The following INTS8 variants were observed in gnomAD, a reference collection of about 807,000 sequenced individuals.
The protein encoded by INTS8 is protein kaonashi-1.
A neutral mutation model predicts 138.9 loss-of-function variants in INTS8; 47 were observed. The observed-to-expected ratio is 0.34, with a 90% CI of 0.27 to 0.43. The LOEUF (loss-of-function observed/expected upper bound fraction) is 0.43, where lower values mean the gene tolerates loss of function less well. Ranked by LOEUF, INTS8 falls within the 20% of genes least tolerant of loss-of-function variation. INTS8 has a pLI of 1.00. For synonymous variants in INTS8, 392 were observed against 400.9 expected, an observed-to-expected ratio of 0.98 and a Z score of 0.27; for missense variants, 996 against 1,173.0, an observed-to-expected ratio of 0.85 and a Z score of 2.20.
chr8:94,849,985 A>T lies in INTS8; in HGVS notation c.1401A>T (p.Thr467=). Reference sequence around the variant, plus strand: ...TTTCTTCACATGAGCTTTTCATTACATTGTTGAAAGATGAAGAACGAAAGC... The same window carrying T: ...TTTCTTCACATGAGCTTTTCATTACTTTGTTGAAAGATGAAGAACGAAAGC... The part of the protein sequence containing the change: ...FMISSHELFI[T]LLKDEERKLL... The change falls in exon 12 of 27, where the codon ACA becomes ACT. Residue 467 remains threonine (T), a synonymous_variant. Coordinates refer to ENST00000523731, the MANE Select transcript of INTS8 (RefSeq NM_017864.4). 1 of 1,612,956 alleles carries T rather than the reference A, an allele frequency of 6.2e-7. No homozygotes were observed. Among genetic ancestry groups the T allele is most frequent in the Admixed American group, 1.7e-5 (1 of 59,966 alleles).
At chr8:94,827,693 A>G in intron 3 of INTS8, 29 bp from the exon 4 acceptor site, 1 of 1,569,892 alleles carries the variant, frequency 6.4e-7, no homozygotes, top group South Asian at 1.1e-5. Flanking sequence ...ATAATGTATG[A>G]AATTTTCTTT....
chr8:94,879,545 A>C (rs1816708890), intron 26 of INTS8, among the ~76,000 whole-genome samples: 1 of 151,808 alleles, frequency 6.6e-6, no homozygotes, highest in African/African-American at 2.4e-5. Context: ...TAGTGAGCTG[A>C]GATCACGCCA....
chr8:94,838,929 T>C lies in INTS8; in HGVS notation c.1017+311T>C, dbSNP rs1404706853. ...TAAGAAATGCTTGTAAGCAGAACTT[T>C]TAACATTTAAAAATTGCAGGTAGAC... On this transcript the variant is annotated intron_variant, in intron 8 of 26. Coordinates refer to ENST00000523731, the MANE Select transcript of INTS8 (RefSeq NM_017864.4). 4.6e-5 allele frequency among the ~76,000 whole-genome samples: 7 copies of C among 152,252 alleles called. No individual in the cohort carries two copies. The East Asian group carries it at 1.2e-3, about 25-fold the overall frequency.
At chr8:94,878,486 C>T (rs1447490014) in intron 26 of INTS8, among the ~76,000 whole-genome samples, 1 of 152,148 alleles carries the variant, frequency 6.6e-6, no homozygotes, top group Non-Finnish European at 1.5e-5. Context: ...TAATCTACAG[C>T]TGTACTCATT....
chr8:94,832,055 C>A lies in INTS8; in HGVS notation c.634C>A (p.Leu212Ile). 1 of 1,613,448 alleles carries A rather than the reference C, an allele frequency of 6.2e-7. No homozygotes were observed. Among genetic ancestry groups the A allele is most frequent in the South Asian group, 1.1e-5 (1 of 90,950 alleles). Reference protein sequence around the residue: ...LEAALKLNKDLYVHTMRTLDL... With the variant: ...LEAALKLNKDIYVHTMRTLDL... ...AGCAGCCCTAAAATTAAACAAGGATCTTTATGTCCATACGATGAGAACTCT... is the reference window on the plus strand; with the variant it reads ...AGCAGCCCTAAAATTAAACAAGGATATTTATGTCCATACGATGAGAACTCT... Residue 212 changes from leucine to isoleucine, a missense_variant, in exon 6 of 27, where the codon CTT becomes ATT. Leu to Ile is a conservative substitution (Grantham distance 5). Coordinates refer to ENST00000523731, the MANE Select transcript of INTS8 (RefSeq NM_017864.4).
At chr8:94,830,970 G>A (rs1276633735) in intron 5 of INTS8, among the ~76,000 whole-genome samples, 1 of 151,948 alleles carries the variant, frequency 6.6e-6, no homozygotes, top group Non-Finnish European at 1.5e-5. Flanking sequence ...GCTAATTTTT[G>A]TATTTTTAGT....
chr8:94,832,214 G>A, intron 6 of INTS8, 40 bp downstream of exon 6: 1 of 1,511,406 alleles, frequency 6.6e-7, no homozygotes, highest in South Asian at 1.2e-5. Flanking sequence ...GCAATTTTTT[G>A]GAAAATCTTA....
chr8:94,842,378 G>T lies in INTS8; in HGVS notation c.1150G>T (p.Val384Phe). 6.3e-7 allele frequency: 1 copy of T among 1,595,952 alleles called. No homozygotes were observed. The highest frequency in any genetic ancestry group is 8.6e-7 in the Non-Finnish European group (1 of 1,168,630). The stretch of plus-strand genomic sequence containing the variant: ...AGCTCTAGATGAAATCTGTTTTAAA[G>T]TTTGTGCCTGTAATACAGTCCGTGA... Reference protein sequence around the residue: ...NEALDEICFKVCACNTVRDIL... With the variant: ...NEALDEICFKFCACNTVRDIL... Residue 384 changes from valine (V) to phenylalanine (F), a missense_variant, in exon 10 of 27, where the codon GTT (valine) becomes TTT (phenylalanine). Transcript: ENST00000523731.
At chr8:94,855,248 A>G (rs1815702336) in intron 14 of INTS8, among the ~76,000 whole-genome samples, 1 of 152,232 alleles carries the variant, frequency 6.6e-6, no homozygotes, top group African/African-American at 2.4e-5. Flanking sequence ...TTTCATAAAA[A>G]AGTTTAGTTG....
rs116676161 is a variant in INTS8, at chr8:94,824,673, C to G, written c.131-220C>G. Among the ~76,000 whole-genome samples the G allele has an allele frequency of 5.8e-3, 881 of 151,352 alleles. 9 individuals are homozygous for G. Among genetic ancestry groups the G allele is most frequent in the African/African-American group, 0.019 (789 of 41,194 alleles). On this transcript the variant is annotated intron_variant, in intron 1 of 26. Coordinates refer to ENST00000523731, the MANE Select transcript of INTS8 (RefSeq NM_017864.4). ...AATCTGTTACCCTTCCTCCTTACCA[C>G]TCTTCCGCATCTCCTTTAACCCCCA... is the stretch of plus-strand genomic sequence containing the variant.
chr8:94,876,414 A>C, intron 25 of INTS8, 32 bp from the exon 26 acceptor site: 1 of 1,437,110 alleles, frequency 7.0e-7, no homozygotes, highest in Non-Finnish European at 9.7e-7. Context: ...ATTTAATACT[A>C]TCAGATTTAT....
intron 16 of INTS8, among the ~76,000 whole-genome samples, chr8:94,861,491 G>GA (rs1159777728): frequency 6.6e-6 from 1 of 151,886 alleles, no homozygotes; most frequent in Non-Finnish European, 1.5e-5. Context: ...TCAATCTCCT[G>GA]ACCTCGTGAT....
intron 15 of INTS8, among the ~76,000 whole-genome samples, chr8:94,857,664 G>T (rs1815802063): frequency 6.6e-6 from 1 of 152,062 alleles, no homozygotes; most frequent in African/African-American, 2.4e-5. Context: ...CTTTGGCTTG[G>T]GCTGCATTGC....
At chr8:94,845,922 A>G (rs906444561) in intron 10 of INTS8, among the ~76,000 whole-genome samples, 1 of 152,228 alleles carries the variant, frequency 6.6e-6, no homozygotes, top group African/African-American at 2.4e-5. Context: ...CTCCTAAGCC[A>G]AAGTATGCTT....
chr8:94,849,784 A>G (rs1360311223), intron 11 of INTS8, 132 bp from the exon 12 acceptor site: 6 of 650,444 alleles, frequency 9.2e-6, no homozygotes, highest in South Asian at 2.7e-5. Context: ...TTTAAAATCT[A>G]TTTTAAAATA....
chr8:94,839,740 T>G (rs937149563), intron 8 of INTS8, among the ~76,000 whole-genome samples: 1 of 152,172 alleles, frequency 6.6e-6, no homozygotes, highest in Non-Finnish European at 1.5e-5. Flanking sequence ...TACAGATTCT[T>G]TAACAAGTTG....
intron 23 of INTS8, 89 bp from the exon 24 acceptor site, chr8:94,875,985 A>C: frequency 1.1e-6 from 1 of 872,766 alleles, no homozygotes; most frequent in Non-Finnish European, 1.9e-6. Flanking sequence ...AATGTGATCT[A>C]TAAGGCTTAA....
At chr8:94,837,075 C>T (rs1199936388) in intron 7 of INTS8, among the ~76,000 whole-genome samples, 1 of 152,174 alleles carries the variant, frequency 6.6e-6, no homozygotes, top group Non-Finnish European at 1.5e-5. Flanking sequence ...ATTGCCATGT[C>T]AATGGTTATG....
At chr8:94,876,403 T>C (rs759984470) in intron 25 of INTS8, 43 bp from the exon 26 acceptor site, 2 of 1,397,254 alleles carry the variant, frequency 1.4e-6, no homozygotes, top group South Asian at 2.5e-5. Flanking sequence ...TCTCTCATTA[T>C]ATTTAATACT....
Sources: gnomAD v4.1 joint callset for allele counts (sites outside exome capture counted in the v4.1 genomes callset) on GRCh38, gnomAD v4.1.1 for gene constraint, MANE v1.5 for transcripts, NCBI Gene and HGNC (gene_info 2026-07-23, HGNC 2026-07-21) for gene names.